The following FSHR variants were observed in gnomAD, a reference collection of about 807,000 sequenced individuals.
The protein encoded by FSHR is follicle-stimulating hormone receptor.
Under a neutral mutation model 52.1 loss-of-function variants are expected in FSHR, and 46 were observed. The ratio of observed to expected loss-of-function variants is 0.88; its 90% CI spans 0.70 to 1.13. FSHR has a LOEUF of 1.13. Among genes scored for constraint, FSHR ranks in the 50% most tolerant of loss-of-function variants. FSHR has a pLI of 0.00. For missense variants in FSHR, 964 were observed against 834.6 expected, an observed-to-expected ratio of 1.16 and a Z score of -1.91; for synonymous variants, 399 against 309.6, an observed-to-expected ratio of 1.29 and a Z score of -3.03.
intron 6 of FSHR, among the ~76,000 whole-genome samples, chr2:48,983,649 A>G (rs897828852): frequency 1.3e-5 from 2 of 152,220 alleles, no homozygotes; most frequent in Non-Finnish European, 2.9e-5. Context: ...CCTGGCTGTC[A>G]TCAAAAGTGA....
chr2:48,990,496 G>A, intron 5 of FSHR, 70 bp downstream of exon 5: 1 of 984,480 alleles, frequency 1.0e-6, no homozygotes, highest in Non-Finnish European at 1.7e-6. Context: ...GCATATTAAA[G>A]GCCCAGATAG....
rs781227519 is a variant in FSHR, at chr2:48,963,829, G to C, written c.992C>G (p.Thr331Ser). Residue 331 changes from threonine (T) to serine (S), a missense_variant, in exon 10 of 10, where the codon ACT (threonine) becomes AGT (serine). By Grantham distance (58) the Thr-to-Ser change is moderately conservative. Transcript: ENST00000406846. Reference protein sequence around the residue: ...SYSRGFDMTYTEFDYDLCNEV... With the variant: ...SYSRGFDMTYSEFDYDLCNEV... Reference sequence around the variant, plus strand: ...ATTGCATAAGTCATAGTCAAACTCAGTGTACGTCATGTCAAATCCTCTGCT... The same window carrying C: ...ATTGCATAAGTCATAGTCAAACTCACTGTACGTCATGTCAAATCCTCTGCT... 3 of 1,614,162 alleles carry C rather than the reference G, an allele frequency of 1.9e-6. No homozygotes were observed. The highest frequency in any genetic ancestry group is 1.7e-6 in the Non-Finnish European group (2 of 1,180,014).
chr2:49,050,383 G>GT (rs1398425573), intron 2 of FSHR, among the ~76,000 whole-genome samples: 1 of 152,188 alleles, frequency 6.6e-6, no homozygotes, highest in Non-Finnish European at 1.5e-5. Flanking sequence ...GACTATAGGA[G>GT]TAGAGAATCA....
At chr2:48,971,812 G>A (rs1410160152) in intron 8 of FSHR, among the ~76,000 whole-genome samples, 3 of 152,012 alleles carry the variant, frequency 2.0e-5, no homozygotes, top group Non-Finnish European at 2.9e-5. Context: ...TGCCTTCCTG[G>A]TAACTTTCTG....
intron 1 of FSHR, among the ~76,000 whole-genome samples, chr2:49,149,551 G>C (rs1340682721): frequency 6.6e-6 from 1 of 151,988 alleles, no homozygotes; most frequent in Non-Finnish European, 1.5e-5. Flanking sequence ...TAGAAAAGTG[G>C]CTCAGTTTGC....
intron 1 of FSHR, among the ~76,000 whole-genome samples, chr2:49,139,047 A>T (rs1196684947): frequency 1.3e-5 from 2 of 152,256 alleles, no homozygotes; most frequent in East Asian, 3.9e-4. Flanking sequence ...TACCCACATG[A>T]TCTTAGACAA....
chr2:49,032,950 G>T (rs572408560), intron 2 of FSHR, among the ~76,000 whole-genome samples: 1 of 152,232 alleles, frequency 6.6e-6, no homozygotes, highest in Admixed American at 6.5e-5. Flanking sequence ...AGAAATTCTG[G>T]GACCAATTTA....
chr2:49,010,401 T>A (rs1304186561), intron 4 of FSHR, among the ~76,000 whole-genome samples: 2 of 152,002 alleles, frequency 1.3e-5, no homozygotes, highest in Admixed American at 6.6e-5. Flanking sequence ...GTGGATAAGC[T>A]TTTTGATGTG....
intron 2 of FSHR, among the ~76,000 whole-genome samples, chr2:49,052,111 T>C (rs1354951732): frequency 1.3e-5 from 2 of 152,100 alleles, no homozygotes; most frequent in Non-Finnish European, 2.9e-5. Context: ...AGATAAAACA[T>C]TTTAAACAAA....
At chr2:49,112,103 C>T (rs981717858) in intron 1 of FSHR, among the ~76,000 whole-genome samples, 1 of 152,038 alleles carries the variant, frequency 6.6e-6, no homozygotes, top group Admixed American at 6.6e-5. Context: ...GAAATTAATG[C>T]TTCGGTTATG....
At chr2:49,123,507 A>G (rs1671892084) in intron 1 of FSHR, among the ~76,000 whole-genome samples, 1 of 152,066 alleles carries the variant, frequency 6.6e-6, no homozygotes, top group South Asian at 2.1e-4. Flanking sequence ...AAAATAATCA[A>G]ATGTTCTCAT....
intron 1 of FSHR, among the ~76,000 whole-genome samples, chr2:49,110,572 C>T (rs950718781): frequency 7.2e-5 from 11 of 152,184 alleles, no homozygotes; most frequent in Admixed American, 1.3e-4. Flanking sequence ...TCACCCTCAT[C>T]ATGTTTTCAG....
intron 1 of FSHR, among the ~76,000 whole-genome samples, chr2:49,126,044 C>T (rs915804930): frequency 6.6e-6 from 1 of 152,236 alleles, no homozygotes; most frequent in African/African-American, 2.4e-5. Flanking sequence ...GCAGAATTTC[C>T]ACTACCCATG....
At chr2:49,003,925 C>G (rs1666994623) in intron 4 of FSHR, among the ~76,000 whole-genome samples, 1 of 152,156 alleles carries the variant, frequency 6.6e-6, no homozygotes, top group African/African-American at 2.4e-5. Context: ...AATGTGTGGC[C>G]TGTCCCAGGG....
rs189418150 is a variant in FSHR at position 49,138,760 on chromosome 2, C to T, written c.152+15506G>A. Among the ~76,000 whole-genome samples, 747 of 152,176 alleles carry T rather than the reference C, an allele frequency of 4.9e-3. 2 individuals carry two copies. The highest frequency in any genetic ancestry group is 8.0e-3 in the Non-Finnish European group (541 of 67,990). ...GATGATAAAAATGTTTTAAAATTGA[C>T]GGTGATGGTTGCACATATCTGTGAA... On this transcript the variant is annotated intron_variant, in intron 1 of 9. Coordinates refer to ENST00000406846, the MANE Select transcript of FSHR (RefSeq NM_000145.4).
intron 1 of FSHR, among the ~76,000 whole-genome samples, chr2:49,093,856 C>A (rs1030632975): frequency 6.6e-6 from 1 of 152,074 alleles, no homozygotes; most frequent in African/African-American, 2.4e-5. Flanking sequence ...CTTGGCCTTC[C>A]AAATTGCTAG....
chr2:49,026,487 A>G (rs566777916), intron 2 of FSHR, among the ~76,000 whole-genome samples: 2 of 152,324 alleles, frequency 1.3e-5, no homozygotes, highest in African/African-American at 2.4e-5. Flanking sequence ...AGGGTGGCAC[A>G]CAGAAGTTCA....
chr2:49,085,524 A>G (rs930263911), intron 1 of FSHR, among the ~76,000 whole-genome samples: 1 of 152,192 alleles, frequency 6.6e-6, no homozygotes, highest in Non-Finnish European at 1.5e-5. Flanking sequence ...ACTTCCAACT[A>G]TGTGGTCAAT....
At chr2:49,117,690 A>G (rs1671654925) in intron 1 of FSHR, among the ~76,000 whole-genome samples, 1 of 152,214 alleles carries the variant, frequency 6.6e-6, no homozygotes, top group Non-Finnish European at 1.5e-5. Context: ...GTATAGCAGG[A>G]CCAAGGAGAA....
Sources: allele counts gnomAD v4.1 joint callset (sites outside exome capture counted in the v4.1 genomes callset), GRCh38; gene constraint gnomAD v4.1.1; transcripts MANE v1.5; gene names NCBI Gene and HGNC (gene_info 2026-07-23, HGNC 2026-07-21).